CADM1: variants seen among roughly 807,000 people sequenced by gnomAD.
CADM1 encodes the protein cell adhesion molecule 1.
A neutral mutation model predicts 53.1 loss-of-function variants in CADM1; 15 were observed. The observed-to-expected ratio is 0.28, with a 90% confidence interval of 0.19 to 0.44. The LOEUF (loss-of-function observed/expected upper bound fraction) is 0.44, where lower values mean the gene tolerates loss of function less well. Among genes scored for constraint, CADM1 ranks in the 20% least tolerant of loss-of-function variants. CADM1 has a pLI of 1.00. For synonymous variants in CADM1, 281 were observed against 243.0 expected (o/e 1.16, Z -1.45); for missense variants, 434 against 611.3 (o/e 0.71, Z 3.06).
intron 1 of CADM1, among the ~76,000 whole-genome samples, chr11:115,402,843 T>C (rs961085627): frequency 3.3e-5 from 5 of 152,082 alleles, no homozygotes; most frequent in Non-Finnish European, 7.3e-5. Context: ...GGGAGTTAGG[T>C]GCTAGCAGAG....
At chr11:115,445,841 C>CA (rs1233401369) in intron 1 of CADM1, 1 of 418,162 alleles carries the variant, frequency 2.4e-6, no homozygotes, top group South Asian at 1.7e-5. Flanking sequence ...TGAGACCTGT[C>CA]AAAAAAGAAA....
At chr11:115,270,704 T>A (rs1943272549) in intron 1 of CADM1, among the ~76,000 whole-genome samples, 1 of 152,188 alleles carries the variant, frequency 6.6e-6, no homozygotes, top group Non-Finnish European at 1.5e-5. Context: ...CTGTACATAT[T>A]CCCAACTCTC....
chr11:115,380,552 C>G (rs1305564939), intron 1 of CADM1, among the ~76,000 whole-genome samples: 1 of 152,146 alleles, frequency 6.6e-6, no homozygotes, highest in African/African-American at 2.4e-5. Context: ...ATTTTTACAA[C>G]TTTTTCTATT....
intron 1 of CADM1, among the ~76,000 whole-genome samples, chr11:115,405,504 G>A (rs898209313): frequency 1.3e-5 from 2 of 152,096 alleles, no homozygotes; most frequent in African/African-American, 4.8e-5. Context: ...AAAGTAGAAG[G>A]CACACAGAAA....
At chr11:115,494,462 C>T (rs1374661428) in intron 1 of CADM1, among the ~76,000 whole-genome samples, 2 of 152,082 alleles carry the variant, frequency 1.3e-5, no homozygotes, top group African/African-American at 4.8e-5. Context: ...AACAATATGT[C>T]CTTTCTGTAT....
At chr11:115,438,398 G>A (rs1007938483) in intron 1 of CADM1, among the ~76,000 whole-genome samples, 55 of 151,940 alleles carry the variant, frequency 3.6e-4, no homozygotes, top group African/African-American at 1.2e-3. Context: ...CGCACACTTC[G>A]GTTTGCTGCT....
At chr11:115,453,979 T>C (rs981157944) in intron 1 of CADM1, among the ~76,000 whole-genome samples, 2 of 152,150 alleles carry the variant, frequency 1.3e-5, no homozygotes, top group Non-Finnish European at 2.9e-5. Context: ...GCTTTATGCC[T>C]TATCATTTGA....
chr11:115,263,157 T>C (rs1400380316), intron 1 of CADM1, among the ~76,000 whole-genome samples: 1 of 152,230 alleles, frequency 6.6e-6, no homozygotes, highest in Admixed American at 6.5e-5. Context: ...TTACTATTGG[T>C]GACATTAACC....
At chr11:115,278,395 T>A (rs1017274499) in intron 1 of CADM1, among the ~76,000 whole-genome samples, 1 of 152,168 alleles carries the variant, frequency 6.6e-6, no homozygotes, top group Non-Finnish European at 1.5e-5. Flanking sequence ...ATAAGAAAGG[T>A]CTTCATATAA....
chr11:115,271,261 ATGTTGT>A (rs544530520), intron 1 of CADM1, among the ~76,000 whole-genome samples: 1 of 151,818 alleles, frequency 6.6e-6, no homozygotes, highest in Admixed American at 6.6e-5. Context: ...TATATAGTTT[ATGTTGT>A]TGTTGTTGTT....
intron 1 of CADM1, among the ~76,000 whole-genome samples, chr11:115,250,305 C>A (rs1942560772): frequency 6.6e-6 from 1 of 152,136 alleles, no homozygotes; most frequent in Non-Finnish European, 1.5e-5. Context: ...TTTTATATAT[C>A]CTAATTTTAA....
chr11:115,365,645 A>G (rs1565388975), intron 1 of CADM1, among the ~76,000 whole-genome samples: 3 of 152,126 alleles, frequency 2.0e-5, no homozygotes, highest in Admixed American at 1.3e-4. Context: ...TGATTAACCA[A>G]CTACTAGCAT....
At position 115,265,510 on chromosome 11, in the gene CADM1, G is replaced by A. The variant is rs145442197; in HGVS notation, c.125-25090C>T. Among the ~76,000 whole-genome samples, 157 of 152,246 alleles carry A rather than the reference G, an allele frequency of 1.0e-3. 2 individuals carry two copies. The highest frequency in any genetic ancestry group is 3.6e-3 in the African/African-American group (149 of 41,548). On this transcript the variant is annotated intron_variant, in intron 1 of 11. Transcript: ENST00000331581. ...CCCTGCCTCTATCCACACAGAAAAC[G>A]CTTTTGGTATGTATTTCTCATATTT...
intron 1 of CADM1, among the ~76,000 whole-genome samples, chr11:115,344,021 T>C (rs1591728628): frequency 6.6e-6 from 1 of 152,158 alleles, no homozygotes; most frequent in Admixed American, 6.5e-5. Context: ...TGGAGCTTTG[T>C]TAAAATTTAA....
At chr11:115,272,057 C>T (rs1943313844) in intron 1 of CADM1, among the ~76,000 whole-genome samples, 2 of 148,324 alleles carry the variant, frequency 1.3e-5, no homozygotes, top group Non-Finnish European at 3.0e-5. Context: ...TTTAATATCA[C>T]TTTTTCTGGT....
At chr11:115,490,205 T>C (rs1319821350) in intron 1 of CADM1, among the ~76,000 whole-genome samples, 5 of 152,152 alleles carry the variant, frequency 3.3e-5, no homozygotes, top group Admixed American at 3.3e-4. Context: ...TGTTATACCA[T>C]TGTAAGTCTA....
rs749148239 is a variant in CADM1, at chr11:115,169,480, A to AG, written c.*6993dup. Reference sequence around the variant, plus strand: ...CAATGGGCTTTGGCAGGGAAGTAGGAGCAAAAAACCCAAGTAGGACATTTC... The same window carrying AG: ...CAATGGGCTTTGGCAGGGAAGTAGGAGGCAAAAAACCCAAGTAGGACATTTC... On this transcript the variant is annotated 3_prime_UTR_variant, in exon 12 of 12. Coordinates refer to ENST00000331581, the MANE Select transcript of CADM1 (RefSeq NM_001301043.2). 276 of 410,032 alleles carry AG rather than the reference A, an allele frequency of 6.7e-4. 1 individual carries two copies. The highest frequency in any genetic ancestry group is 1.2e-3 in the Non-Finnish European group (251 of 205,354). 25.4% of individuals were successfully genotyped at this position (410,032 alleles called of 1,614,324 possible). A position where few individuals can be genotyped will look rare whatever the true frequency, so the allele number is the denominator to read the frequency against.
At position 115,488,749 on chromosome 11, in the gene CADM1, C is replaced by T. The variant is rs530248272; in HGVS notation, c.124+15522G>A. ...ACTTTATAAGCTTAACTTTGCCAGT[C>T]CTATTTCACAGACTGTATAGTCACA... On this transcript the variant is annotated intron_variant, in intron 1 of 11. Coordinates refer to ENST00000331581, the MANE Select transcript of CADM1 (RefSeq NM_001301043.2). Among the ~76,000 whole-genome samples the T allele has an allele frequency of 2.5e-4, 38 of 152,332 alleles. No homozygotes were observed. The South Asian group carries it at 7.7e-3, about 31-fold the overall frequency.
intron 1 of CADM1, among the ~76,000 whole-genome samples, chr11:115,322,329 C>T (rs1003357511): frequency 6.6e-6 from 1 of 152,162 alleles, no homozygotes; most frequent in African/African-American, 2.4e-5. Context: ...ATGAATCTGA[C>T]GCAGGCTGTT....
Sources: gnomAD v4.1 joint callset for allele counts (sites outside exome capture counted in the v4.1 genomes callset) on GRCh38, gnomAD v4.1.1 for gene constraint, MANE v1.5 for transcripts, NCBI Gene and HGNC (gene_info 2026-07-23, HGNC 2026-07-21) for gene names.